Variants in RNF169 observed in about 807,000 individuals in gnomAD.
The protein encoded by RNF169 is ring finger protein 169, also known as E3 ubiquitin-protein ligase RNF169.
Under a neutral mutation model 53.9 loss-of-function variants are expected in RNF169, and 24 were observed. The observed-to-expected ratio is 0.45, with a 90% confidence interval of 0.32 to 0.63. The LOEUF (loss-of-function observed/expected upper bound fraction) is 0.63. Among genes scored for constraint, RNF169 ranks in the 20% least tolerant of loss-of-function variants. The pLI is 0.04. For missense variants in RNF169, 883 were observed against 906.2 expected, an observed-to-expected ratio of 0.97 and a Z score of 0.33; for synonymous variants, 396 against 363.5, an observed-to-expected ratio of 1.09 and a Z score of -1.02.
chr11:74,796,703 CCTTG>C (rs2035654342), intron 2 of RNF169, among the ~76,000 whole-genome samples: 1 of 152,228 alleles, frequency 6.6e-6, no homozygotes, highest in African/African-American at 2.4e-5. Flanking sequence ...GGAAAAGCAG[CCTTG>C]CTTCTAGACT....
At chr11:74,788,848 TAAGG>T (rs2035542389) in intron 1 of RNF169, among the ~76,000 whole-genome samples, 1 of 152,196 alleles carries the variant, frequency 6.6e-6, no homozygotes, top group Non-Finnish European at 1.5e-5. Context: ...AAAAAGATAG[TAAGG>T]AAGACTTTAT....
At chr11:74,752,047 C>A (rs2034903713) in intron 1 of RNF169, among the ~76,000 whole-genome samples, 1 of 151,472 alleles carries the variant, frequency 6.6e-6, no homozygotes, top group Non-Finnish European at 1.5e-5. Context: ...GTCTGGCCAA[C>A]ATGGTGAAAC....
intron 4 of RNF169, among the ~76,000 whole-genome samples, chr11:74,827,112 C>T (rs560801618): frequency 2.8e-4 from 42 of 152,324 alleles, no homozygotes; most frequent in African/African-American, 8.9e-4. Context: ...CAGACTTCTG[C>T]CTGGACATCC....
At chr11:74,794,118 C>T (rs567452827) in intron 2 of RNF169, among the ~76,000 whole-genome samples, 1 of 152,308 alleles carries the variant, frequency 6.6e-6, no homozygotes, top group South Asian at 2.1e-4. Context: ...GGAACATTAA[C>T]TTTCTAAGTA....
rs774451729 is a variant in RNF169, at chr11:74,836,704, T to C, written c.2101T>C (p.Ser701Pro). Residue 701 changes from serine (S) to proline (P), a missense_variant, in exon 6 of 6, where the codon TCC becomes CCC. Around this residue, in one of 3 missense-constraint regions of RNF169, gnomAD observed 351 missense variants for 337.3 expected, o/e 1.04. Transcript: ENST00000299563. ...KGSVDQYLLR[S>P]SNMAGAK is the part of the protein sequence containing the mutation. Reference sequence around the variant, plus strand: ...AAGTGTGGATCAGTATCTCCTACGGTCCAGCAACATGGCCGGGGCCAAGTA... The same window carrying C: ...AAGTGTGGATCAGTATCTCCTACGGCCCAGCAACATGGCCGGGGCCAAGTA... 12 of 1,611,098 alleles carry C rather than the reference T, an allele frequency of 7.4e-6. No homozygotes were observed. In the Admixed American group the frequency reaches 1.7e-4, roughly 22 times the overall value.
intron 1 of RNF169, among the ~76,000 whole-genome samples, chr11:74,777,819 A>C (rs148515442): frequency 6.6e-6 from 1 of 151,872 alleles, no homozygotes; most frequent in African/African-American, 2.4e-5. Context: ...GTGCAGATGG[A>C]GTCTCATTAT....
intron 5 of RNF169, among the ~76,000 whole-genome samples, 172 bp downstream of exon 5, chr11:74,834,947 A>AT (rs1438413813): frequency 2.0e-4 from 30 of 152,098 alleles, no homozygotes; most frequent in African/African-American, 7.2e-4. Context: ...TTGAATTAGT[A>AT]GCCAGATGGG....
chr11:74,802,546 G>A (rs1420876391), intron 2 of RNF169, among the ~76,000 whole-genome samples: 2 of 152,156 alleles, frequency 1.3e-5, no homozygotes, highest in African/African-American at 2.4e-5. Context: ...GGGAGGCTGA[G>A]GCACAAGACT....
chr11:74,838,617 C>G lies in RNF169; in HGVS notation c.*1887C>G, dbSNP rs191866935. The G allele has an allele frequency of 2.8e-4, 43 of 152,346 alleles. No homozygotes were observed. Among genetic ancestry groups the G allele is most frequent in the African/African-American group, 8.2e-4 (34 of 41,580 alleles). 9.4% of individuals were successfully genotyped at this position (152,346 alleles called of 1,614,324 possible). ...CCTGAATGTATGCATTCTGTGTTCT[C>G]TGTGTGTGTGCACATATGCAGATGT... On this transcript the variant is annotated 3_prime_UTR_variant, in exon 6 of 6. Transcript: ENST00000299563.
At chr11:74,822,959 G>T (rs772370826) in intron 4 of RNF169, among the ~76,000 whole-genome samples, 2 of 152,024 alleles carry the variant, frequency 1.3e-5, no homozygotes, top group African/African-American at 4.8e-5. Flanking sequence ...AATACTTACC[G>T]CCTCCATTTT....
At chr11:74,800,481 G>A (rs980939471) in intron 2 of RNF169, among the ~76,000 whole-genome samples, 1 of 152,120 alleles carries the variant, frequency 6.6e-6, no homozygotes, top group Non-Finnish European at 1.5e-5. Flanking sequence ...GAATTTGGGC[G>A]AGCTATTTGA....
Position 74,751,682 on chromosome 11 carries a change from T to C in RNF169, c.502+2300T>C, listed in dbSNP as rs925409618. 3.9e-5 allele frequency among the ~76,000 whole-genome samples: 6 copies of C among 152,324 alleles called. No individual in the cohort carries two copies. In the East Asian group the frequency reaches 9.6e-4, roughly 24 times the overall value. ...TAGTATTCATTAATTACTTTATATG[T>C]TTATATGAGGACCAAAATGAAAAAT... is the stretch of plus-strand genomic sequence containing the variant. On this transcript the variant is annotated intron_variant, in intron 1 of 5. Coordinates refer to ENST00000299563, the MANE Select transcript of RNF169 (RefSeq NM_001098638.2).
intron 1 of RNF169, among the ~76,000 whole-genome samples, chr11:74,763,351 C>G (rs562225693): frequency 1.3e-5 from 2 of 152,066 alleles, no homozygotes; most frequent in Non-Finnish European, 2.9e-5. Context: ...GTACCACAAA[C>G]GAGAGTCAGC....
intron 1 of RNF169, among the ~76,000 whole-genome samples, chr11:74,773,424 G>C (rs2035287465): frequency 1.3e-5 from 2 of 152,008 alleles, no homozygotes; most frequent in Admixed American, 1.3e-4. Flanking sequence ...CTTGATTATA[G>C]CATTTAGGAT....
At chr11:74,830,088 A>G (rs1026764769) in intron 4 of RNF169, among the ~76,000 whole-genome samples, 4 of 152,220 alleles carry the variant, frequency 2.6e-5, no homozygotes, top group Non-Finnish European at 4.4e-5. Context: ...TCAGAGGGAA[A>G]TTTATAGCTG....
At chr11:74,785,183 TATGA>T (rs552963324) in intron 1 of RNF169, among the ~76,000 whole-genome samples, 2 of 65,344 alleles carry the variant, frequency 3.1e-5, no homozygotes, top group African/African-American at 3.2e-4. Context: ...GATATATATA[TATGA>T]TATATATATG....
At chr11:74,782,367 A>G (rs1242384857) in intron 1 of RNF169, among the ~76,000 whole-genome samples, 1 of 152,152 alleles carries the variant, frequency 6.6e-6, no homozygotes, top group Non-Finnish European at 1.5e-5. Context: ...GCCTATTAGG[A>G]ACACGGCCAC....
chr11:74,807,402 G>GCCTTTTTTGGTTATGCTGC (rs2035821034), intron 2 of RNF169, among the ~76,000 whole-genome samples: 1 of 151,952 alleles, frequency 6.6e-6, no homozygotes, highest in African/African-American at 2.4e-5. Flanking sequence ...TTGGCTCTCT[G>GCCTTTTTTGGTTATGCTGC]TCTTTTTTGG....
chr11:74,790,124 A>G (rs1434326314), intron 2 of RNF169, among the ~76,000 whole-genome samples: 2 of 152,254 alleles, frequency 1.3e-5, no homozygotes, highest in African/African-American at 4.8e-5. Context: ...TAGGTCAGTA[A>G]GGAGATAGTG....
Sources: allele counts gnomAD v4.1 joint callset (sites outside exome capture counted in the v4.1 genomes callset), GRCh38; gene constraint gnomAD v4.1.1; regional missense constraint gnomAD v4.1.1; transcripts MANE v1.5; gene names NCBI Gene and HGNC (gene_info 2026-07-23, HGNC 2026-07-21).